WWOX: variants seen among roughly 807,000 people sequenced by gnomAD.
WWOX encodes WW domain containing oxidoreductase, also known as WW domain-containing oxidoreductase.
In WWOX, 69 loss-of-function variants were observed where a neutral mutation model predicts 46.2. That is an observed-to-expected ratio of 1.49 (90% CI 1.23 to 1.82). The LOEUF is 1.82. Ranked by LOEUF, WWOX falls within the 40% of genes most tolerant of loss-of-function variation. The pLI is 0.00. For synonymous variants in WWOX, 359 were observed against 202.6 expected (o/e 1.77, Z -6.56); for missense variants, 919 against 542.6 (o/e 1.69, Z -6.89).
At chr16:78,944,965 G>A (rs1165711375) in intron 8 of WWOX, among the ~76,000 whole-genome samples, 1 of 152,178 alleles carries the variant, frequency 6.6e-6, no homozygotes, top group Admixed American at 6.5e-5. Flanking sequence ...GATCACTTGA[G>A]ATCAGGAGTT....
intron 5 of WWOX, among the ~76,000 whole-genome samples, chr16:78,322,721 T>C (rs1389900137): frequency 6.6e-6 from 1 of 152,234 alleles, no homozygotes; most frequent in South Asian, 2.1e-4. Context: ...GGCAAACATT[T>C]TCTGTAAGGG....
At chr16:78,865,420 C>T (rs1009832588) in intron 8 of WWOX, among the ~76,000 whole-genome samples, 1 of 152,204 alleles carries the variant, frequency 6.6e-6, no homozygotes, top group Non-Finnish European at 1.5e-5. Flanking sequence ...CTCCAGTGGA[C>T]TTTGATTCAC....
At position 78,594,432 on chromosome 16, in the gene WWOX, C is replaced by T. The variant is rs201463267; in HGVS notation, c.1056+161680C>T. Among the ~76,000 whole-genome samples, 229 of 34,934 alleles carry T rather than the reference C, an allele frequency of 6.6e-3. 1 individual carries two copies. The highest frequency in any genetic ancestry group is 0.01 in the South Asian group (7 of 686). 22.9% of individuals were successfully genotyped at this position (34,934 alleles called of 152,430 possible). A position where few individuals can be genotyped will look rare whatever the true frequency, so the allele number is the denominator to read the frequency against. ...TGACGAAGAAGACTGAGGAAAGGCC[C>T]CCCCCCCCCCCCCGCCAAATTGTCC... is the stretch of plus-strand genomic sequence containing the variant. On this transcript the variant is annotated intron_variant, in intron 8 of 8. Transcript: ENST00000566780.
chr16:78,754,244 G>C (rs2049576159), intron 8 of WWOX, among the ~76,000 whole-genome samples: 1 of 152,066 alleles, frequency 6.6e-6, no homozygotes, highest in South Asian at 2.1e-4. Flanking sequence ...CTCTTCCTGA[G>C]ATTCTTGCTT....
intron 8 of WWOX, among the ~76,000 whole-genome samples, chr16:78,760,410 CCTTAA>C (rs1352880109): frequency 6.6e-6 from 1 of 152,118 alleles, no homozygotes; most frequent in South Asian, 2.1e-4. Context: ...ATATCAAGGT[CCTTAA>C]CTTAATCACA....
intron 8 of WWOX, among the ~76,000 whole-genome samples, chr16:78,792,406 A>G (rs1309053348): frequency 3.9e-5 from 6 of 152,124 alleles, no homozygotes; most frequent in Admixed American, 6.5e-5. Flanking sequence ...AAGCTCGGAG[A>G]TGGCTTCCTA....
chr16:78,550,189 C>G lies in WWOX; in HGVS notation c.1056+117437C>G, dbSNP rs1048167410. ...TTCCTTACTATTGTCATTAAAAGTT[C>G]TCACTGGATCATTCCATTTATACTC... On this transcript the variant is annotated intron_variant, in intron 8 of 8. Transcript: ENST00000566780. Among the ~76,000 whole-genome samples, 8 of 152,214 alleles carry G rather than the reference C, an allele frequency of 5.3e-5. No homozygotes were observed. The South Asian group carries it at 6.2e-4, about 12-fold the overall frequency.
At chr16:79,031,075 A>G (rs1001660893) in intron 8 of WWOX, among the ~76,000 whole-genome samples, 1 of 143,956 alleles carries the variant, frequency 6.9e-6, no homozygotes, top group Non-Finnish European at 1.5e-5. Flanking sequence ...CCTGGACAAC[A>G]GAGTGAGACC....
At chr16:78,875,193 C>A (rs1368843064) in intron 8 of WWOX, among the ~76,000 whole-genome samples, 1 of 152,080 alleles carries the variant, frequency 6.6e-6, no homozygotes. Context: ...GCCGCTGAAA[C>A]CTTTCTGAGG....
chr16:78,910,192 T>C (rs1296756718), intron 8 of WWOX, among the ~76,000 whole-genome samples: 6 of 152,172 alleles, frequency 3.9e-5, no homozygotes, highest in Non-Finnish European at 7.3e-5. Flanking sequence ...GGTGACTTGC[T>C]TTAGCCAAAG....
At chr16:78,548,686 T>C (rs1487933266) in intron 8 of WWOX, among the ~76,000 whole-genome samples, 1 of 152,232 alleles carries the variant, frequency 6.6e-6, no homozygotes. Context: ...TTCCAGGTCA[T>C]TCCAATTTAT....
At chr16:78,314,707 T>TG (rs1555517892) in intron 5 of WWOX, among the ~76,000 whole-genome samples, 7,329 of 95,906 alleles carry the variant, frequency 0.076, 421 homozygotes, top group Admixed American at 0.19. Flanking sequence ...TTTTGTTTTT[T>TG]TTTTTTTTTT....
intron 8 of WWOX, among the ~76,000 whole-genome samples, chr16:78,592,216 A>T: frequency 6.6e-6 from 1 of 152,108 alleles, no homozygotes; most frequent in East Asian, 1.9e-4. Context: ...TTTTTGTTTT[A>T]TTTTTTGTTT....
intron 8 of WWOX, among the ~76,000 whole-genome samples, chr16:79,153,846 A>G (rs2050329084): frequency 6.6e-6 from 1 of 152,102 alleles, no homozygotes; most frequent in African/African-American, 2.4e-5. Context: ...AACAGGTTGT[A>G]ACCTACACTC....
At chr16:78,800,814 G>C (rs2050866654) in intron 8 of WWOX, among the ~76,000 whole-genome samples, 1 of 152,056 alleles carries the variant, frequency 6.6e-6, no homozygotes, top group Non-Finnish European at 1.5e-5. Context: ...CTTCTCTTGA[G>C]ATAGCATCTC....
At chr16:78,659,247 A>G (rs1265487457) in intron 8 of WWOX, among the ~76,000 whole-genome samples, 1 of 152,124 alleles carries the variant, frequency 6.6e-6, no homozygotes, top group African/African-American at 2.4e-5. Flanking sequence ...TTCAATAACT[A>G]CGTGACTCAC....
At chr16:78,412,813 A>T (rs946617675) in intron 6 of WWOX, among the ~76,000 whole-genome samples, 3 of 152,194 alleles carry the variant, frequency 2.0e-5, no homozygotes, top group African/African-American at 7.2e-5. Context: ...TGGGTCAGGG[A>T]AGGAGACTGA....
At chr16:78,773,172 G>A (rs7198930) in intron 8 of WWOX, among the ~76,000 whole-genome samples, 6 of 152,074 alleles carry the variant, frequency 3.9e-5, no homozygotes, top group Non-Finnish European at 8.8e-5. Flanking sequence ...ATCCTAAGCC[G>A]CTAGAACAGT....
intron 8 of WWOX, among the ~76,000 whole-genome samples, chr16:78,524,883 T>C (rs1165885817): frequency 1.4e-5 from 2 of 145,570 alleles, no homozygotes; most frequent in African/African-American, 5.2e-5. Flanking sequence ...TTTTTTTTTT[T>C]GAGGCAGGCC....
Sources: allele counts gnomAD v4.1 joint callset (sites outside exome capture counted in the v4.1 genomes callset), GRCh38; gene constraint gnomAD v4.1.1; transcripts MANE v1.5; gene names NCBI Gene and HGNC (gene_info 2026-07-23, HGNC 2026-07-21).